Variants in GRID2 observed in about 807,000 individuals in gnomAD.
GRID2 encodes glutamate ionotropic receptor delta type subunit 2, also known as glutamate receptor ionotropic, delta-2.
GRID2 carries 33 observed loss-of-function variants against 114.8 expected under a neutral mutation model. That is an observed-to-expected ratio of 0.29 (90% CI 0.22 to 0.38). The LOEUF (loss-of-function observed/expected upper bound fraction) is 0.38, where lower values mean the gene tolerates loss of function less well. Ranked by LOEUF, GRID2 falls within the 10% of genes least tolerant of loss-of-function variation. GRID2 has a pLI of 1.00. For missense variants in GRID2, 1,184 were observed against 1,257.7 expected, an observed-to-expected ratio of 0.94 and a Z score of 0.89; for synonymous variants, 505 against 449.9, an observed-to-expected ratio of 1.12 and a Z score of -1.55.
intron 14 of GRID2, among the ~76,000 whole-genome samples, chr4:93,630,867 G>C (rs1007389651): frequency 6.6e-6 from 1 of 152,034 alleles, no homozygotes; most frequent in African/African-American, 2.4e-5. Flanking sequence ...CAGTTTTCTG[G>C]TCACTGTACA....
chr4:93,316,128 G>A (rs1338017047), intron 8 of GRID2, among the ~76,000 whole-genome samples: 1 of 151,674 alleles, frequency 6.6e-6, no homozygotes, highest in Non-Finnish European at 1.5e-5. Context: ...TTTGGAAGCT[G>A]GAAAGAACAT....
At chr4:93,733,054 G>A (rs1730628486) in intron 14 of GRID2, among the ~76,000 whole-genome samples, 1 of 152,224 alleles carries the variant, frequency 6.6e-6, no homozygotes, top group South Asian at 2.1e-4. Flanking sequence ...TACAACTGAA[G>A]TCAATGCAGC....
At chr4:92,770,559 T>C (rs1738492210) in intron 2 of GRID2, among the ~76,000 whole-genome samples, 1 of 152,154 alleles carries the variant, frequency 6.6e-6, no homozygotes, top group Non-Finnish European at 1.5e-5. Context: ...AGAGGTTTAT[T>C]GGACTTAACA....
chr4:93,689,505 T>G (rs559546947), intron 14 of GRID2, among the ~76,000 whole-genome samples: 4 of 152,130 alleles, frequency 2.6e-5, no homozygotes, highest in Admixed American at 2.6e-4. Context: ...TTGCTCCAGA[T>G]CAGACTTCCT....
intron 2 of GRID2, among the ~76,000 whole-genome samples, chr4:92,965,690 T>C (rs184844060): frequency 1.6e-4 from 25 of 151,940 alleles, no homozygotes; most frequent in African/African-American, 5.5e-4. Context: ...TCCAAGTTCT[T>C]ACATTTGGGG....
chr4:93,187,851 A>G (rs976219591), intron 4 of GRID2, among the ~76,000 whole-genome samples: 2 of 152,238 alleles, frequency 1.3e-5, no homozygotes, highest in Non-Finnish European at 2.9e-5. Flanking sequence ...TAATGTTGCA[A>G]ACAACATTAA....
chr4:93,790,782 G>C (rs1734679454), intron 1 of GRID2, among the ~76,000 whole-genome samples: 1 of 152,148 alleles, frequency 6.6e-6, no homozygotes. Flanking sequence ...AAAGAAATTA[G>C]AGTCTAAAAG....
chr4:92,344,374 T>C (rs1727660825), intron 1 of GRID2, among the ~76,000 whole-genome samples: 1 of 152,206 alleles, frequency 6.6e-6, no homozygotes, highest in Admixed American at 6.5e-5. Flanking sequence ...CTAACCACTT[T>C]CTTCCCTATG....
intron 13 of GRID2, among the ~76,000 whole-genome samples, chr4:93,583,418 T>C (rs1737184541): frequency 6.6e-6 from 1 of 152,190 alleles, no homozygotes. Context: ...TTTTCTGTTA[T>C]TATTAATATT....
At chr4:93,697,963 A>G (rs951255485) in intron 14 of GRID2, among the ~76,000 whole-genome samples, 1 of 150,458 alleles carries the variant, frequency 6.6e-6, no homozygotes, top group Admixed American at 6.7e-5. Context: ...TCTATTTTCT[A>G]TTTTTAAAAT....
At chr4:93,540,340 T>A (rs1732539822) in intron 13 of GRID2, among the ~76,000 whole-genome samples, 1 of 152,110 alleles carries the variant, frequency 6.6e-6, no homozygotes, top group Admixed American at 6.6e-5. Context: ...CGTCTGTTGC[T>A]TTCAAGTTGC....
Position 93,553,571 on chromosome 4 carries a change from A to G in GRID2, c.2193+38160A>G, listed in dbSNP as rs114693135. ...AGTGGACTAGAATAGAGGATAAAATAGTTTGTTCTGACTGCTACAAATACC... is the reference window on the plus strand; with the variant it reads ...AGTGGACTAGAATAGAGGATAAAATGGTTTGTTCTGACTGCTACAAATACC... On this transcript the variant is annotated intron_variant, in intron 13 of 15. Transcript: ENST00000282020. 1.5e-3 allele frequency among the ~76,000 whole-genome samples: 225 copies of G among 152,316 alleles called. 1 individual carries two copies. Among genetic ancestry groups the G allele is most frequent in the African/African-American group, 5.2e-3 (215 of 41,568 alleles).
intron 2 of GRID2, among the ~76,000 whole-genome samples, chr4:92,836,148 AC>A (rs1206466763): frequency 6.6e-6 from 1 of 152,070 alleles, no homozygotes; most frequent in Non-Finnish European, 1.5e-5. Flanking sequence ...TCTCACTGTA[AC>A]GACAGAGTTG....
chr4:93,416,021 A>G (rs1767667875), intron 9 of GRID2, among the ~76,000 whole-genome samples: 1 of 151,996 alleles, frequency 6.6e-6, no homozygotes, highest in South Asian at 2.1e-4. Context: ...CCTTCATAAA[A>G]TCTTCCTGCA....
At chr4:93,646,413 G>A (rs1035717264) in intron 14 of GRID2, among the ~76,000 whole-genome samples, 1 of 152,118 alleles carries the variant, frequency 6.6e-6, no homozygotes. Flanking sequence ...GAATGACTAG[G>A]AGGCCAATGT....
At chr4:93,323,187 A>T (rs1446894910) in intron 8 of GRID2, among the ~76,000 whole-genome samples, 1 of 152,242 alleles carries the variant, frequency 6.6e-6, no homozygotes, top group East Asian at 1.9e-4. Flanking sequence ...TAGGTCTAAC[A>T]TTTAAGTCTT....
intron 2 of GRID2, among the ~76,000 whole-genome samples, chr4:92,601,119 G>A (rs1298594956): frequency 6.6e-6 from 1 of 152,178 alleles, no homozygotes; most frequent in Non-Finnish European, 1.5e-5. Context: ...ATCCAGTGAG[G>A]AAGGATCAGT....
intron 4 of GRID2, among the ~76,000 whole-genome samples, chr4:93,181,300 T>C (rs1371080108): frequency 6.6e-6 from 1 of 152,160 alleles, no homozygotes; most frequent in Non-Finnish European, 1.5e-5. Flanking sequence ...ACAGTGCACT[T>C]AAATATTTAG....
chr4:92,725,502 A>T (rs1487952422), intron 2 of GRID2, among the ~76,000 whole-genome samples: 2 of 152,196 alleles, frequency 1.3e-5, no homozygotes, highest in Non-Finnish European at 2.9e-5. Context: ...TTCAGTTAAA[A>T]GCAGAACATC....
Sources: gnomAD v4.1 joint callset for allele counts (sites outside exome capture counted in the v4.1 genomes callset) on GRCh38, gnomAD v4.1.1 for gene constraint, MANE v1.5 for transcripts, NCBI Gene and HGNC (gene_info 2026-07-23, HGNC 2026-07-21) for gene names.